The following FAM171A1 variants were observed in gnomAD, a reference collection of about 807,000 sequenced individuals.
FAM171A1 encodes the protein protein FAM171A1.
FAM171A1 carries 23 observed loss-of-function variants against 74.9 expected under a neutral mutation model. That is an observed-to-expected ratio of 0.31 (90% CI 0.22 to 0.44). FAM171A1 has a LOEUF of 0.44. Among genes scored for constraint, FAM171A1 ranks in the 20% least tolerant of loss-of-function variants. FAM171A1 has a pLI of 1.00. For synonymous variants in FAM171A1, 527 were observed against 505.7 expected (o/e 1.04, Z -0.57); for missense variants, 1,162 against 1,159.2 (o/e 1.00, Z -0.03).
At chr10:15,237,450 T>C (rs1834306472) in intron 5 of FAM171A1, 1 of 152,198 alleles carries the variant, frequency 6.6e-6, no homozygotes, top group Non-Finnish European at 1.5e-5. Context: ...TTTTTTGAGT[T>C]GCTAGGCAAC....
intron 3 of FAM171A1, among the ~76,000 whole-genome samples, chr10:15,271,640 G>A (rs1009514407): frequency 6.6e-5 from 10 of 152,100 alleles, no homozygotes; most frequent in African/African-American, 4.8e-5. Flanking sequence ...GACAAAGGTC[G>A]GATTACCCAC....
chr10:15,233,053 G>A (rs1052407208), intron 5 of FAM171A1, among the ~76,000 whole-genome samples: 28 of 152,224 alleles, frequency 1.8e-4, no homozygotes, highest in Admixed American at 1.8e-3. Flanking sequence ...CCAGCACTTT[G>A]GGAGGCTGAG....
chr10:15,227,387 C>G (rs1200504497), intron 5 of FAM171A1, among the ~76,000 whole-genome samples: 1 of 152,104 alleles, frequency 6.6e-6, no homozygotes, highest in Non-Finnish European at 1.5e-5. Context: ...CTGTCATTTT[C>G]TTTTTTGTTC....
rs889407681 is a variant in FAM171A1, at chr10:15,326,843, G to A, written c.98-42738C>T. Among the ~76,000 whole-genome samples, 4 of 152,082 alleles carry A rather than the reference G, an allele frequency of 2.6e-5. No individual in the cohort carries two copies. In the South Asian group the frequency reaches 8.3e-4, roughly 32 times the overall value. The stretch of plus-strand genomic sequence containing the variant: ...GGGTTTTGGCATGTTAGCCAGGCTG[G>A]TTTTGAACTCCTGACCTCAAGTGAT... On this transcript the variant is annotated intron_variant, in intron 1 of 7. Transcript: ENST00000378116.
chr10:15,338,488 CT>C, intron 1 of FAM171A1, among the ~76,000 whole-genome samples: 1 of 152,258 alleles, frequency 6.6e-6, no homozygotes, highest in African/African-American at 2.4e-5. Flanking sequence ...CTGTATTTTA[CT>C]TAATGCTGAT....
chr10:15,284,141 C>A, intron 1 of FAM171A1, 36 bp from the exon 2 acceptor site: 1 of 1,581,812 alleles, frequency 6.3e-7, no homozygotes, highest in South Asian at 1.1e-5. Flanking sequence ...CAGCTACTGT[C>A]AATGGGAAAC....
intron 1 of FAM171A1, among the ~76,000 whole-genome samples, chr10:15,349,717 T>C: frequency 6.6e-6 from 1 of 152,162 alleles, no homozygotes; most frequent in East Asian, 1.9e-4. Context: ...CACTCAACAA[T>C]GTTCATAATC....
intron 1 of FAM171A1, among the ~76,000 whole-genome samples, chr10:15,294,985 G>A (rs1835143855): frequency 6.6e-6 from 1 of 152,052 alleles, no homozygotes; most frequent in Non-Finnish European, 1.5e-5. Context: ...GCGCGATCTC[G>A]GCTCACTGCA....
At chr10:15,340,271 A>T (rs1466103806) in intron 1 of FAM171A1, among the ~76,000 whole-genome samples, 2 of 152,146 alleles carry the variant, frequency 1.3e-5, no homozygotes, top group African/African-American at 4.8e-5. Flanking sequence ...AGAGGGATGA[A>T]GGGATTTTGT....
At chr10:15,306,615 C>T (rs1835299024) in intron 1 of FAM171A1, among the ~76,000 whole-genome samples, 1 of 152,198 alleles carries the variant, frequency 6.6e-6, no homozygotes, top group South Asian at 2.1e-4. Flanking sequence ...ATCCACCCGC[C>T]TCAGCCTCCC....
chr10:15,295,386 T>C (rs1835149788), intron 1 of FAM171A1, among the ~76,000 whole-genome samples: 2 of 152,374 alleles, frequency 1.3e-5, no homozygotes, highest in Middle Eastern at 3.4e-3. Flanking sequence ...TTATGGTTTT[T>C]CTGGCACCAG....
chr10:15,328,973 T>C (rs1478272080), intron 1 of FAM171A1, among the ~76,000 whole-genome samples: 1 of 152,168 alleles, frequency 6.6e-6, no homozygotes, highest in Non-Finnish European at 1.5e-5. Flanking sequence ...CAAGAACCTG[T>C]GGCTCAGCGG....
intron 1 of FAM171A1, among the ~76,000 whole-genome samples, chr10:15,362,539 T>C (rs947757995): frequency 2.0e-5 from 3 of 152,128 alleles, no homozygotes; most frequent in Non-Finnish European, 4.4e-5. Flanking sequence ...AAATCTGAGA[T>C]GGGGTGAAAC....
intron 1 of FAM171A1, among the ~76,000 whole-genome samples, chr10:15,361,123 T>G (rs1324616912): frequency 6.6e-6 from 1 of 152,212 alleles, no homozygotes; most frequent in Admixed American, 6.5e-5. Flanking sequence ...AAAGGATAAA[T>G]TATTAATAAT....
chr10:15,234,450 A>G (rs1301110130), intron 5 of FAM171A1, among the ~76,000 whole-genome samples: 1 of 152,176 alleles, frequency 6.6e-6, no homozygotes, highest in Non-Finnish European at 1.5e-5. Context: ...ATTTTAAACG[A>G]GAGTACACTC....
chr10:15,303,332 T>C (rs1835255508), intron 1 of FAM171A1, among the ~76,000 whole-genome samples: 1 of 152,222 alleles, frequency 6.6e-6, no homozygotes, highest in South Asian at 2.1e-4. Flanking sequence ...TCCTGCTTCA[T>C]CTATGGGGGA....
At chr10:15,370,872 C>T in intron 1 of FAM171A1, 84 bp downstream of exon 1, 1 of 650,390 alleles carries the variant, frequency 1.5e-6, no homozygotes, top group Non-Finnish European at 1.9e-6. Flanking sequence ...GCCCGGGACC[C>T]TCCCGCCGCC....
At position 15,284,112 on chromosome 10, in the gene FAM171A1, G is replaced by T; in HGVS notation, c.98-7C>A. On this transcript the variant is annotated splice_polypyrimidine_tract_variant and splice_region_variant and intron_variant, in intron 1 of 7. Coordinates refer to ENST00000378116, the MANE Select transcript of FAM171A1 (RefSeq NM_001010924.2). ...TGCACCTTTAACGTCACCTCTGGAG[G>T]TAGAGAAAGCACAAAGAACAGCTAC... 1 of 1,612,058 alleles carries T rather than the reference G, an allele frequency of 6.2e-7. No homozygotes were observed. The highest frequency in any genetic ancestry group is 8.5e-7 in the Non-Finnish European group (1 of 1,179,586).
intron 6 of FAM171A1, among the ~76,000 whole-genome samples, chr10:15,218,158 C>T (rs542165146): frequency 6.6e-6 from 1 of 151,424 alleles, no homozygotes; most frequent in African/African-American, 2.4e-5. Flanking sequence ...GGGCTCACTG[C>T]AACCTCTGCC....
Sources: gnomAD v4.1 joint callset for allele counts (sites outside exome capture counted in the v4.1 genomes callset) on GRCh38, gnomAD v4.1.1 for gene constraint, MANE v1.5 for transcripts, NCBI Gene and HGNC (gene_info 2026-07-23, HGNC 2026-07-21) for gene names.